The following HTT variants were observed in gnomAD, a reference collection of about 807,000 sequenced individuals.
HTT encodes huntington disease protein.
Under a neutral mutation model 362.3 loss-of-function variants are expected in HTT, and 104 were observed. The observed-to-expected ratio is 0.29, with a 90% CI of 0.24 to 0.34. The LOEUF (loss-of-function observed/expected upper bound fraction) is 0.34, where lower values mean the gene tolerates loss of function less well. HTT is among the 10% of genes least tolerant of loss of function. The probability of loss-of-function intolerance (pLI) is 1.00; values close to 1 mark genes in which losing one functional copy is unlikely to be tolerated. For missense variants in HTT, 3,301 were observed against 3,928.6 expected (o/e 0.84, Z 4.27); for synonymous variants, 1,577 against 1,548.7 (o/e 1.02, Z -0.43).
intron 29 of HTT, 100 bp downstream of exon 29, chr4:3,160,492 C>A: frequency 1.2e-6 from 1 of 825,124 alleles, no homozygotes; most frequent in Non-Finnish European, 2.0e-6. Context: ...CTCCAGGGTG[C>A]CTCCGGGAGA....
intron 26 of HTT, 137 bp from the exon 27 acceptor site, chr4:3,154,156 G>A (rs1329905213): frequency 1.1e-5 from 7 of 660,864 alleles, no homozygotes; most frequent in Non-Finnish European, 1.5e-5. Flanking sequence ...ACATATCAGG[G>A]TCCAAGAACA....
chr4:3,202,182 A>T (rs577520569), intron 41 of HTT, among the ~76,000 whole-genome samples: 1 of 152,076 alleles, frequency 6.6e-6, no homozygotes, highest in East Asian at 1.9e-4. Context: ...GGTACACATG[A>T]TGTGTTGGTC....
At chr4:3,090,926 G>C (rs1166864962) in intron 2 of HTT, among the ~76,000 whole-genome samples, 1 of 152,158 alleles carries the variant, frequency 6.6e-6, no homozygotes, top group African/African-American at 2.4e-5. Flanking sequence ...AGCTGGACCA[G>C]TGCGGTGAAA....
chr4:3,076,255 C>T (rs1712543142), intron 1 of HTT, among the ~76,000 whole-genome samples: 1 of 152,150 alleles, frequency 6.6e-6, no homozygotes, highest in African/African-American at 2.4e-5. Flanking sequence ...GTCGAGTGTA[C>T]AGTAGGAGTT....
At chr4:3,188,649 C>G (rs747405424) in intron 39 of HTT, 30 of 227,456 alleles carry the variant, frequency 1.3e-4, no homozygotes, top group Non-Finnish European at 2.3e-4. Flanking sequence ...AAGCAGCTGG[C>G]TAAAATTGAT....
chr4:3,093,447 A>G (rs1713624662), intron 2 of HTT, among the ~76,000 whole-genome samples: 1 of 152,264 alleles, frequency 6.6e-6, no homozygotes, highest in Non-Finnish European at 1.5e-5. Context: ...TGACAATAGC[A>G]TAAAGGCTGG....
At chr4:3,094,558 C>T (rs867749597) in intron 2 of HTT, among the ~76,000 whole-genome samples, 2 of 147,508 alleles carry the variant, frequency 1.4e-5, no homozygotes, top group Non-Finnish European at 3.0e-5. Flanking sequence ...CCCCACCTCC[C>T]GGACGGGGCG....
At position 3,215,207 on chromosome 4, in the gene HTT, A is replaced by C; in HGVS notation, c.7050A>C (p.Thr2350=). 1 of 1,612,106 alleles carries C rather than the reference A, an allele frequency of 6.2e-7. No individual in the cohort carries two copies. The highest frequency in any genetic ancestry group is 8.5e-7 in the Non-Finnish European group (1 of 1,178,470). Reference sequence around the variant, plus strand: ...AGGAGGAGGAAGTAGATCCAAACACACAGAGTAAGTCTCAGGACCCATTTT... The same window carrying C: ...AGGAGGAGGAAGTAGATCCAAACACCCAGAGTAAGTCTCAGGACCCATTTT... ...SEEEEEVDPN[T]QNPKYITAAC... is the part of the protein sequence containing the mutation. The change falls in exon 51 of 67, where the codon ACA becomes ACC. Residue 2350 remains threonine (T), a synonymous_variant. Coordinates refer to ENST00000355072, the MANE Select transcript of HTT (RefSeq NM_001388492.1).
At chr4:3,233,850 A>C (rs1039003639) in intron 61 of HTT, among the ~76,000 whole-genome samples, 51 of 152,340 alleles carry the variant, frequency 3.3e-4, no homozygotes, top group African/African-American at 1.1e-3. Flanking sequence ...GAGCAAGTCA[A>C]GCTCTTCACA....
rs367601167 is a variant in HTT at position 3,206,482 on chromosome 4, A to G, written c.5719-14A>G. On this transcript the variant is annotated splice_polypyrimidine_tract_variant and intron_variant, in intron 42 of 66. Transcript: ENST00000355072. This position sits in a 1 kb window ranked among gnomAD's most constrained non-coding sequence, Gnocchi z 4.6. ...TGTACTTGAAAATGAATCTCTCATC[A>G]TATTTTTCCTTAGTGTCAGAACCTC... The G allele has an allele frequency of 1.6e-4, 253 of 1,607,974 alleles. 5 individuals are homozygous for G. In the South Asian group the frequency reaches 2.7e-3, roughly 17 times the overall value.
intron 26 of HTT, among the ~76,000 whole-genome samples, chr4:3,153,477 A>G (rs918234392): frequency 5.9e-5 from 9 of 152,148 alleles, no homozygotes; most frequent in East Asian, 3.8e-4. Context: ...TCGATGTTCT[A>G]TATGCTCTCA....
intron 1 of HTT, among the ~76,000 whole-genome samples, chr4:3,075,310 T>C (rs10009935): frequency 0.086 from 13,030 of 152,272 alleles, 1,162 homozygotes; most frequent in African/African-American, 0.23. Context: ...CCTTGTCCTC[T>C]CGCGAGGGGA....
intron 22 of HTT, among the ~76,000 whole-genome samples, chr4:3,141,264 T>C (rs1578531644): frequency 6.6e-6 from 1 of 152,360 alleles, no homozygotes. Context: ...ATTTTGTCTT[T>C]TAAATGTTAT....
intron 45 of HTT, among the ~76,000 whole-genome samples, chr4:3,208,080 A>T (rs1167769170): frequency 2.6e-5 from 4 of 152,134 alleles, no homozygotes; most frequent in African/African-American, 4.8e-5. Flanking sequence ...TCTTTAGAGT[A>T]CCTTGTCTAT....
intron 66 of HTT, among the ~76,000 whole-genome samples, chr4:3,239,382 A>G (rs362269): frequency 0.17 from 25,601 of 151,830 alleles, 3,016 homozygotes; most frequent in African/African-American, 0.34. Flanking sequence ...GGCTTAAGTA[A>G]AGATCCAGTT....
At chr4:3,199,646 T>G in intron 40 of HTT, 86 bp from the exon 41 acceptor site, 1 of 1,227,754 alleles carries the variant, frequency 8.1e-7, no homozygotes, top group Non-Finnish European at 1.2e-6. Flanking sequence ...CTCAGCCTGT[T>G]TCATTTTTAT....
chr4:3,207,119 T>G, intron 44 of HTT, 136 bp downstream of exon 44: 1 of 1,077,622 alleles, frequency 9.3e-7, no homozygotes, highest in East Asian at 2.6e-5. Flanking sequence ...ATCTGCAAAC[T>G]TGCCGTTACT....
chr4:3,123,194 G>A (rs1715369978), intron 10 of HTT: 3 of 351,470 alleles, frequency 8.5e-6, no homozygotes, highest in Non-Finnish European at 1.5e-5. Flanking sequence ...AATTTCTAAT[G>A]TTCGGGGTCA....
intron 41 of HTT, 97 bp from the exon 42 acceptor site, chr4:3,203,910 T>C (rs910507586): frequency 2.5e-6 from 3 of 1,216,526 alleles, no homozygotes; most frequent in Non-Finnish European, 2.4e-6. Flanking sequence ...AACTTGTCTG[T>C]TTTAGAACTA....
Sources: gnomAD v4.1 joint callset for allele counts (sites outside exome capture counted in the v4.1 genomes callset) on GRCh38, gnomAD v4.1.1 for gene constraint, Gnocchi (gnomAD v3.1) non-coding constraint, MANE v1.5 for transcripts, NCBI Gene and HGNC (gene_info 2026-07-23, HGNC 2026-07-21) for gene names.